The following GPHN variants were observed in gnomAD, a reference collection of about 807,000 sequenced individuals.
The protein encoded by GPHN is gephyrin.
Under a neutral mutation model 95.5 loss-of-function variants are expected in GPHN, and 17 were observed. That is an observed-to-expected ratio of 0.18 (90% CI 0.12 to 0.27). GPHN has a LOEUF of 0.27. Ranked by LOEUF, GPHN falls within the 10% of genes least tolerant of loss-of-function variation. The pLI, the probability that GPHN is intolerant of heterozygous loss-of-function variation, is 1.00. For synonymous variants in GPHN, 320 were observed against 322.5 expected, an observed-to-expected ratio of 0.99 and a Z score of 0.08; for missense variants, 660 against 978.1, an observed-to-expected ratio of 0.67 and a Z score of 4.34.
At chr14:67,719,836 CT>C in the GPHN span, among the ~76,000 whole-genome samples, 1 of 152,042 alleles carries the variant, frequency 6.6e-6, no homozygotes, top group Admixed American at 6.6e-5. Context: ...ATTATTTATT[CT>C]TTTTTTACAG....
chr14:66,779,023 A>C (rs1419474725), intron 3 of GPHN, among the ~76,000 whole-genome samples: 1 of 152,048 alleles, frequency 6.6e-6, no homozygotes, highest in East Asian at 1.9e-4. Flanking sequence ...GGATTAAGGC[A>C]TGAGCCACTG....
the GPHN span, among the ~76,000 whole-genome samples, chr14:67,190,846 G>A: frequency 6.6e-6 from 1 of 152,314 alleles, no homozygotes; most frequent in South Asian, 2.1e-4. Flanking sequence ...CCAGGTAAAT[G>A]CCACACTTCA....
intron 3 of GPHN, among the ~76,000 whole-genome samples, chr14:66,810,478 A>G (rs1469729659): frequency 6.6e-6 from 1 of 151,932 alleles, no homozygotes; most frequent in Non-Finnish European, 1.5e-5. Context: ...TGTTCAAAGG[A>G]AAATTGACAT....
chr14:67,075,530 T>C (rs2076462231), intron 11 of GPHN, among the ~76,000 whole-genome samples: 1 of 152,214 alleles, frequency 6.6e-6, no homozygotes, highest in Non-Finnish European at 1.5e-5. Context: ...TTGCCATAGA[T>C]AGTGATTCCT....
chr14:67,131,658 G>T (rs567652804), intron 17 of GPHN, among the ~76,000 whole-genome samples: 2 of 152,254 alleles, frequency 1.3e-5, no homozygotes, highest in East Asian at 3.9e-4. Flanking sequence ...AGCATCTTGG[G>T]AGAAATTCCA....
chr14:67,707,848 TTACC>T, the GPHN span, among the ~76,000 whole-genome samples: 1 of 152,298 alleles, frequency 6.6e-6, no homozygotes, highest in South Asian at 2.1e-4. Flanking sequence ...GTGACATTCT[TTACC>T]TACCACAGAT....
At chr14:67,076,045 G>A (rs772787783) in intron 11 of GPHN, among the ~76,000 whole-genome samples, 1 of 152,110 alleles carries the variant, frequency 6.6e-6, no homozygotes, top group Non-Finnish European at 1.5e-5. Context: ...ATGCTACAGA[G>A]ATATCTTTCA....
rs536471243 is a variant in GPHN, at chr14:66,585,062, C to T, written c.64+76471C>T. On this transcript the variant is annotated intron_variant, in intron 1 of 22. Coordinates refer to ENST00000478722, the MANE Select transcript of GPHN (RefSeq NM_020806.5). The stretch of plus-strand genomic sequence containing the variant: ...AAGCTATTAATTATTGCCTCAGTTT[C>T]AGAGCCTGTTATTGGTCTATTCAGA... Among the ~76,000 whole-genome samples, 27 of 152,282 alleles carry T rather than the reference C, an allele frequency of 1.8e-4. 1 individual carries two copies. The South Asian group carries it at 5.0e-3, about 28-fold the overall frequency.
chr14:67,148,038 C>A (rs1344767057), intron 18 of GPHN, among the ~76,000 whole-genome samples: 1 of 151,772 alleles, frequency 6.6e-6, no homozygotes, highest in Admixed American at 6.6e-5. Context: ...AGGCAAAAAT[C>A]AAAAAAGTTA....
intron 1 of GPHN, among the ~76,000 whole-genome samples, chr14:66,510,829 A>C (rs1230955356): frequency 6.6e-6 from 1 of 152,162 alleles, no homozygotes; most frequent in Non-Finnish European, 1.5e-5. Flanking sequence ...GGCATAGGTA[A>C]AATGTTAGAG....
At chr14:66,998,018 T>A (rs1252764208) in intron 9 of GPHN, among the ~76,000 whole-genome samples, 1 of 152,196 alleles carries the variant, frequency 6.6e-6, no homozygotes, top group Non-Finnish European at 1.5e-5. Flanking sequence ...CATGAGAGTG[T>A]GTAAGAAGTC....
chr14:67,376,069 A>T, the GPHN span, among the ~76,000 whole-genome samples: 1 of 152,186 alleles, frequency 6.6e-6, no homozygotes, highest in East Asian at 1.9e-4. Flanking sequence ...TTTTATCGTG[A>T]TTCTCTCCTC....
At chr14:66,742,526 A>T (rs1372123124) in intron 2 of GPHN, among the ~76,000 whole-genome samples, 3 of 152,124 alleles carry the variant, frequency 2.0e-5, no homozygotes. Context: ...TTCACTGTTC[A>T]ATATCCCACC....
the GPHN span, among the ~76,000 whole-genome samples, chr14:67,211,776 TTGAAGTTTTGGTGAGCA>T: frequency 6.6e-6 from 1 of 152,118 alleles, no homozygotes; most frequent in East Asian, 1.9e-4. Context: ...GCCTAGGAGT[TTGAAGTTTTGGTGAGCA>T]TGATCAAGCC....
the GPHN span, among the ~76,000 whole-genome samples, chr14:67,413,076 T>C: frequency 6.6e-6 from 1 of 152,068 alleles, no homozygotes; most frequent in Non-Finnish European, 1.5e-5. Context: ...AAAAATAATA[T>C]TTTAATGCAT....
intron 1 of GPHN, among the ~76,000 whole-genome samples, chr14:66,647,672 A>G (rs1445207411): frequency 1.3e-5 from 2 of 152,058 alleles, no homozygotes; most frequent in Non-Finnish European, 2.9e-5. Flanking sequence ...AATATAAGTT[A>G]TGTGAATGTG....
chr14:67,488,734 G>T, the GPHN span: 1 of 152,346 alleles, frequency 6.6e-6, no homozygotes, highest in Non-Finnish European at 1.5e-5. Flanking sequence ...AACAGAAACA[G>T]AAACCAAAGA....
intron 9 of GPHN, among the ~76,000 whole-genome samples, chr14:67,010,538 C>T (rs1196930233): frequency 5.4e-5 from 7 of 130,104 alleles, no homozygotes; most frequent in Non-Finnish European, 7.8e-5. Flanking sequence ...GGCAACAGAG[C>T]GAGACTCTGT....
the GPHN span, chr14:67,312,789 C>T: frequency 0.11 from 120,029 of 1,097,816 alleles, 13,041 homozygotes; most frequent in East Asian, 0.45. Context: ...AAAACTCACT[C>T]TTTCATGCCT....
Sources: gnomAD v4.1 joint callset for allele counts (sites outside exome capture counted in the v4.1 genomes callset) on GRCh38, gnomAD v4.1.1 for gene constraint, MANE v1.5 for transcripts, NCBI Gene and HGNC (gene_info 2026-07-23, HGNC 2026-07-21) for gene names.